FAM168A: variants seen among roughly 807,000 people sequenced by gnomAD.
FAM168A encodes the protein family with sequence similarity 168 member A.
Under a neutral mutation model 28.5 loss-of-function variants are expected in FAM168A, and 3 were observed. That is an observed-to-expected ratio of 0.11 (90% CI 0.05 to 0.27). FAM168A has a LOEUF of 0.27. Ranked by LOEUF, FAM168A falls within the 10% of genes least tolerant of loss-of-function variation. The pLI is 1.00. For synonymous variants in FAM168A, 122 were observed against 124.2 expected (o/e 0.98, Z 0.12); for missense variants, 222 against 311.5 (o/e 0.71, Z 2.16).
chr11:73,513,205 ATTTTT>A (rs1046600591), intron 1 of FAM168A, among the ~76,000 whole-genome samples: 81 of 109,364 alleles, frequency 7.4e-4, no homozygotes, highest in Non-Finnish European at 1.2e-3. Flanking sequence ...TTTTTTTTTA[ATTTTT>A]TTTTTTTTTT....
rs1470160394 is a variant in FAM168A at position 73,401,126 on chromosome 11, CT to C, written c.*5636del. Reference sequence around the variant, plus strand: ...ATTATTATTATTTTAAATTTTATTTCTTTTTAAAATGTGAGTTCCAATAAAA... The same window carrying C: ...ATTATTATTATTTTAAATTTTATTTCTTTTAAAATGTGAGTTCCAATAAAA... On this transcript the variant is annotated 3_prime_UTR_variant, in exon 8 of 8. Coordinates refer to ENST00000356467, the MANE Select transcript of FAM168A (RefSeq NM_015159.3). 6.8e-6 allele frequency: 1 copy of C among 147,802 alleles called. No individual in the cohort carries two copies. Among genetic ancestry groups the C allele is most frequent in the African/African-American group, 2.6e-5 (1 of 39,026 alleles). The allele number at this position is 147,802 out of a possible 1,614,324, so 9.2% of individuals were successfully genotyped here.
chr11:73,490,442 G>A (rs978331723), intron 1 of FAM168A, among the ~76,000 whole-genome samples: 5 of 152,116 alleles, frequency 3.3e-5, no homozygotes, highest in African/African-American at 1.2e-4. Flanking sequence ...TCTTTACTAG[G>A]ATCTAGAAAA....
intron 1 of FAM168A, among the ~76,000 whole-genome samples, chr11:73,491,711 G>T (rs1293490370): frequency 6.6e-6 from 1 of 152,154 alleles, no homozygotes; most frequent in Non-Finnish European, 1.5e-5. Context: ...ATGCAGACCT[G>T]TTAACCCAGC....
chr11:73,495,272 T>C (rs1400793425), intron 1 of FAM168A, among the ~76,000 whole-genome samples: 1 of 152,150 alleles, frequency 6.6e-6, no homozygotes, highest in African/African-American at 2.4e-5. Flanking sequence ...GAGCTTGCAG[T>C]GAGCCGAGAT....
intron 1 of FAM168A, among the ~76,000 whole-genome samples, chr11:73,570,553 G>A (rs1944074010): frequency 6.6e-6 from 1 of 151,944 alleles, no homozygotes; most frequent in African/African-American, 2.4e-5. Flanking sequence ...ACAAGCCTGG[G>A]CAACATGGTG....
At chr11:73,590,871 G>A (rs1944372892) in intron 1 of FAM168A, among the ~76,000 whole-genome samples, 2 of 152,116 alleles carry the variant, frequency 1.3e-5, no homozygotes, top group South Asian at 4.1e-4. Flanking sequence ...TAGGCTGGGT[G>A]CAGGCTCACG....
At chr11:73,464,187 TA>T (rs60981662) in intron 2 of FAM168A, among the ~76,000 whole-genome samples, 5,844 of 136,368 alleles carry the variant, frequency 0.043, 298 homozygotes, top group African/African-American at 0.13. Flanking sequence ...GAATTGTTAT[TA>T]AAAAAAAAAA....
chr11:73,556,762 G>A (rs1347154158), intron 1 of FAM168A, among the ~76,000 whole-genome samples: 1 of 151,940 alleles, frequency 6.6e-6, no homozygotes. Context: ...GGCTCACGTT[G>A]GTAATCCCAG....
intron 1 of FAM168A, among the ~76,000 whole-genome samples, chr11:73,501,258 C>A (rs1251567794): frequency 6.6e-6 from 1 of 152,150 alleles, no homozygotes; most frequent in Non-Finnish European, 1.5e-5. Context: ...GACTTTAACA[C>A]CCCACTGTCA....
intron 1 of FAM168A, among the ~76,000 whole-genome samples, chr11:73,585,516 A>T (rs1232801549): frequency 6.6e-6 from 1 of 152,204 alleles, no homozygotes; most frequent in Admixed American, 6.5e-5. Flanking sequence ...CATCCCATTA[A>T]ATTTCTTAGA....
At chr11:73,560,682 G>A (rs1344182413) in intron 1 of FAM168A, among the ~76,000 whole-genome samples, 1 of 152,204 alleles carries the variant, frequency 6.6e-6, no homozygotes, top group Non-Finnish European at 1.5e-5. Context: ...CGACAAGTAT[G>A]CAAAGAAACT....
chr11:73,494,136 A>G (rs927052106), intron 1 of FAM168A, among the ~76,000 whole-genome samples: 1 of 152,236 alleles, frequency 6.6e-6, no homozygotes, highest in Non-Finnish European at 1.5e-5. Flanking sequence ...TACAGTATGT[A>G]CATATACATG....
chr11:73,440,493 G>C (rs1304110853), intron 2 of FAM168A, among the ~76,000 whole-genome samples: 1 of 152,046 alleles, frequency 6.6e-6, no homozygotes. Context: ...TACAAAAAGC[G>C]GTGGTGTGTG....
At chr11:73,413,717 T>C (rs1237648121) in intron 4 of FAM168A, among the ~76,000 whole-genome samples, 3 of 152,126 alleles carry the variant, frequency 2.0e-5, no homozygotes, top group Admixed American at 6.5e-5. Flanking sequence ...ATATGTAAAA[T>C]AGAGATAAAC....
chr11:73,431,115 G>A (rs182738707), intron 2 of FAM168A, among the ~76,000 whole-genome samples: 44 of 152,154 alleles, frequency 2.9e-4, no homozygotes, highest in Admixed American at 1.4e-3. Context: ...AGGCTGAGGC[G>A]GGTGGATCAC....
At chr11:73,552,252 A>G (rs1057053067) in intron 1 of FAM168A, among the ~76,000 whole-genome samples, 4 of 152,192 alleles carry the variant, frequency 2.6e-5, no homozygotes, top group Admixed American at 1.3e-4. Flanking sequence ...CTATTTCCTC[A>G]TGTTTAAATG....
intron 2 of FAM168A, among the ~76,000 whole-genome samples, chr11:73,461,844 C>G (rs1478809341): frequency 8.6e-5 from 13 of 151,844 alleles, no homozygotes; most frequent in Admixed American, 8.5e-4. Context: ...TGAATGATAA[C>G]AGTGGAAAGA....
intron 1 of FAM168A, among the ~76,000 whole-genome samples, chr11:73,530,827 C>A (rs1267100543): frequency 1.3e-5 from 2 of 152,036 alleles, no homozygotes; most frequent in Admixed American, 6.6e-5. Context: ...AGAGTGCAGC[C>A]CCCATATTTT....
chr11:73,439,325 A>G (rs1867151028), intron 2 of FAM168A, among the ~76,000 whole-genome samples: 1 of 152,174 alleles, frequency 6.6e-6, no homozygotes, highest in Non-Finnish European at 1.5e-5. Flanking sequence ...AATATCCAGT[A>G]ATCAATTGCG....
Sources: gnomAD v4.1 joint callset for allele counts (sites outside exome capture counted in the v4.1 genomes callset) on GRCh38, gnomAD v4.1.1 for gene constraint, MANE v1.5 for transcripts, NCBI Gene and HGNC (gene_info 2026-07-23, HGNC 2026-07-21) for gene names.